The following CNTNAP2 variants were observed in gnomAD, a reference collection of about 807,000 sequenced individuals.
CNTNAP2 encodes contactin-associated protein-like 2.
In CNTNAP2, 98 loss-of-function variants were observed where a neutral mutation model predicts 155.2. That is an observed-to-expected ratio of 0.63 (90% CI 0.54 to 0.75). CNTNAP2 has a LOEUF of 0.75. Among genes scored for constraint, CNTNAP2 ranks in the 30% least tolerant of loss-of-function variants. The probability of loss-of-function intolerance (pLI) is 0.00; values close to 1 mark genes in which losing one functional copy is unlikely to be tolerated. For synonymous variants in CNTNAP2, 651 were observed against 631.2 expected (o/e 1.03, Z -0.47); for missense variants, 1,727 against 1,688.1 (o/e 1.02, Z -0.40).
At chr7:146,528,197 G>A (rs577734577) in intron 1 of CNTNAP2, among the ~76,000 whole-genome samples, 1 of 152,122 alleles carries the variant, frequency 6.6e-6, no homozygotes, top group African/African-American at 2.4e-5. Context: ...GAGAAGACAT[G>A]AACAGAAAAA....
chr7:146,803,039 A>AAATT (rs1802908077), intron 2 of CNTNAP2, among the ~76,000 whole-genome samples: 1 of 152,162 alleles, frequency 6.6e-6, no homozygotes, highest in South Asian at 2.1e-4. Context: ...ATAAATAAAT[A>AAATT]AATAAGTCTT....
At chr7:148,325,903 G>A (rs551690041) in intron 21 of CNTNAP2, among the ~76,000 whole-genome samples, 4 of 152,146 alleles carry the variant, frequency 2.6e-5, no homozygotes, top group Non-Finnish European at 1.5e-5. Flanking sequence ...GTTCATGGAC[G>A]GCTCTACCAT....
At chr7:147,989,714 TC>T (rs1801677835) in intron 15 of CNTNAP2, among the ~76,000 whole-genome samples, 2 of 152,182 alleles carry the variant, frequency 1.3e-5, no homozygotes, top group East Asian at 3.9e-4. Flanking sequence ...ATTTTCTGAG[TC>T]CCCAGGGACA....
At chr7:146,438,292 T>G (rs1796272680) in intron 1 of CNTNAP2, among the ~76,000 whole-genome samples, 1 of 151,352 alleles carries the variant, frequency 6.6e-6, no homozygotes, top group Non-Finnish European at 1.5e-5. Context: ...AGCTTTTTTT[T>G]TTTTTAAAGA....
intron 4 of CNTNAP2, among the ~76,000 whole-genome samples, chr7:147,073,638 G>T (rs529118026): frequency 1.4e-4 from 21 of 152,296 alleles, no homozygotes; most frequent in African/African-American, 5.1e-4. Context: ...AAGCTTCAAA[G>T]CAGACAGAGA....
intron 1 of CNTNAP2, among the ~76,000 whole-genome samples, chr7:146,197,554 G>T (rs1027694006): frequency 6.6e-6 from 1 of 152,234 alleles, no homozygotes; most frequent in South Asian, 2.1e-4. Context: ...CTCAAAGCTT[G>T]CAGGTTTAAT....
At chr7:147,337,994 G>T (rs1302151835) in intron 9 of CNTNAP2, among the ~76,000 whole-genome samples, 1 of 152,198 alleles carries the variant, frequency 6.6e-6, no homozygotes, top group East Asian at 1.9e-4. Flanking sequence ...TTGATTTGTG[G>T]TTTTATATTT....
At chr7:146,778,227 T>C (rs977286518) in intron 2 of CNTNAP2, among the ~76,000 whole-genome samples, 1 of 152,198 alleles carries the variant, frequency 6.6e-6, no homozygotes, top group Admixed American at 6.5e-5. Context: ...CTAAAGTACA[T>C]TTTGGAGAGA....
rs576862822 is a variant in CNTNAP2, at chr7:147,748,240, A to G, written c.2098+108934A>G. ...ATTCATGGGTTAAGTTGTACATTAG[A>G]AGTTTTTTGAAGTAAAGATATACAA... On this transcript the variant is annotated intron_variant, in intron 13 of 23. Coordinates refer to ENST00000361727, the MANE Select transcript of CNTNAP2 (RefSeq NM_014141.6). 7.9e-5 allele frequency among the ~76,000 whole-genome samples: 12 copies of G among 152,320 alleles called. No homozygotes were observed. In the East Asian group the frequency reaches 2.3e-3, roughly 29 times the overall value.
At chr7:146,502,235 A>ATATATATATATATATGAATATATATG (rs1563109649) in intron 1 of CNTNAP2, among the ~76,000 whole-genome samples, 1 of 56,088 alleles carries the variant, frequency 1.8e-5, no homozygotes, top group African/African-American at 8.8e-5. Context: ...ATATATATAT[A>ATATATATATATATATGAATATATATG]TATATATATA....
chr7:146,569,651 G>C (rs1798411842), intron 1 of CNTNAP2, among the ~76,000 whole-genome samples: 1 of 152,110 alleles, frequency 6.6e-6, no homozygotes, highest in Admixed American at 6.6e-5. Context: ...GTTGCTCCAG[G>C]TAGGGTAGCC....
rs370857050 is a variant in CNTNAP2, at chr7:146,551,391, T to A, written c.98-222880T>A. On this transcript the variant is annotated intron_variant, in intron 1 of 23. Coordinates refer to ENST00000361727, the MANE Select transcript of CNTNAP2 (RefSeq NM_014141.6). The stretch of plus-strand genomic sequence containing the variant: ...CCTATGAGTGAGAACATGTGGTGTT[T>A]GGTTTTTTGTCCTTGCGATAGTTTG... 3.9e-5 allele frequency among the ~76,000 whole-genome samples: 6 copies of A among 152,064 alleles called. No homozygotes were observed. In the East Asian group the frequency reaches 7.8e-4, roughly 20 times the overall value.
chr7:148,075,499 G>C (rs1803467681), intron 15 of CNTNAP2, among the ~76,000 whole-genome samples: 1 of 152,018 alleles, frequency 6.6e-6, no homozygotes, highest in African/African-American at 2.4e-5. Flanking sequence ...GTGAGTGAAG[G>C]ACCACTTGCT....
At chr7:147,015,589 G>T (rs1207417836) in intron 3 of CNTNAP2, among the ~76,000 whole-genome samples, 1 of 151,964 alleles carries the variant, frequency 6.6e-6, no homozygotes, top group Non-Finnish European at 1.5e-5. Flanking sequence ...ATGAGCAGGT[G>T]GTAACAATTC....
intron 8 of CNTNAP2, among the ~76,000 whole-genome samples, chr7:147,288,716 T>C (rs10248220): frequency 0.17 from 25,931 of 152,214 alleles, 3,569 homozygotes; most frequent in East Asian, 0.76. Flanking sequence ...TTCTCTGTTA[T>C]ACTTTTTTGG....
intron 1 of CNTNAP2, among the ~76,000 whole-genome samples, chr7:146,153,509 C>T (rs775395379): frequency 6.6e-5 from 10 of 152,122 alleles, no homozygotes; most frequent in African/African-American, 2.4e-4. Flanking sequence ...GGGTGGATCA[C>T]GTAGAATAAG....
intron 1 of CNTNAP2, among the ~76,000 whole-genome samples, chr7:146,638,775 G>A (rs1471266230): frequency 2.0e-5 from 3 of 151,880 alleles, no homozygotes; most frequent in Non-Finnish European, 2.9e-5. Context: ...TTGAGCCACC[G>A]CGCCCGGCCA....
intron 3 of CNTNAP2, among the ~76,000 whole-genome samples, chr7:146,992,923 T>C (rs1798235196): frequency 6.6e-6 from 1 of 152,178 alleles, no homozygotes; most frequent in African/African-American, 2.4e-5. Context: ...TTATAATTGC[T>C]AGTGAATCCG....
intron 1 of CNTNAP2, among the ~76,000 whole-genome samples, chr7:146,771,332 G>A (rs928855575): frequency 7.2e-5 from 11 of 152,098 alleles, no homozygotes; most frequent in Non-Finnish European, 1.6e-4. Context: ...ATGAGTGAAT[G>A]TTAGCACATT....
Sources: gnomAD v4.1 joint callset for allele counts (sites outside exome capture counted in the v4.1 genomes callset) on GRCh38, gnomAD v4.1.1 for gene constraint, MANE v1.5 for transcripts, NCBI Gene and HGNC (gene_info 2026-07-23, HGNC 2026-07-21) for gene names.